Variants in DIP2C observed in about 807,000 individuals in gnomAD.
DIP2C encodes the protein disco-interacting protein 2 homolog C.
A neutral mutation model predicts 192.4 loss-of-function variants in DIP2C; 33 were observed. The observed-to-expected ratio is 0.17, with a 90% confidence interval of 0.13 to 0.23. DIP2C has a LOEUF of 0.23. DIP2C is among the 10% of genes least tolerant of loss of function. The probability of loss-of-function intolerance (pLI) is 1.00; values close to 1 mark genes in which losing one functional copy is unlikely to be tolerated. For synonymous variants in DIP2C, 979 were observed against 864.1 expected (o/e 1.13, Z -2.33); for missense variants, 1,537 against 2,110.1 (o/e 0.73, Z 5.32).
chr10:475,345 A>C (rs1019717304), intron 2 of DIP2C, among the ~76,000 whole-genome samples: 3 of 152,212 alleles, frequency 2.0e-5, no homozygotes, highest in African/African-American at 7.2e-5. Flanking sequence ...CACTGACAGC[A>C]CAGTTGGGAG....
intron 29 of DIP2C, 162 bp downstream of exon 29, chr10:341,037 C>G (rs1005950985): frequency 9.8e-7 from 1 of 1,020,860 alleles, no homozygotes; most frequent in African/African-American, 1.6e-5. Flanking sequence ...TCCCCGAGAG[C>G]CAAGTCCACC....
chr10:308,846 C>T (rs1033340224), intron 32 of DIP2C, among the ~76,000 whole-genome samples: 2 of 152,212 alleles, frequency 1.3e-5, no homozygotes, highest in African/African-American at 2.4e-5. Flanking sequence ...TCAGGGCGGG[C>T]GTGGCTCCTG....
At chr10:383,652 G>C (rs189432724) in intron 16 of DIP2C, among the ~76,000 whole-genome samples, 93 of 152,224 alleles carry the variant, frequency 6.1e-4, no homozygotes, top group Non-Finnish European at 1.2e-3. Flanking sequence ...CTTATTACCT[G>C]CTTAGGGCTT....
At chr10:489,469 TAC>T (rs1844271617) in intron 1 of DIP2C, among the ~76,000 whole-genome samples, 1 of 152,252 alleles carries the variant, frequency 6.6e-6, no homozygotes, top group African/African-American at 2.4e-5. Flanking sequence ...GCTGGCTGAC[TAC>T]ACAGTATCCT....
chr10:490,443 A>G lies in DIP2C; in HGVS notation c.86-3913T>C, dbSNP rs548865278. Among the ~76,000 whole-genome samples the G allele has an allele frequency of 3.9e-5, 6 of 152,254 alleles. No homozygotes were observed. The South Asian group carries it at 8.3e-4, about 21-fold the overall frequency. ...TCCACTGCTCACAGCCTGCTTGTTC[A>G]TATTTCCCCAAACCTGGAAGCGATG... On this transcript the variant is annotated intron_variant, in intron 1 of 36. Coordinates refer to ENST00000280886, the MANE Select transcript of DIP2C (RefSeq NM_014974.3).
intron 32 of DIP2C, among the ~76,000 whole-genome samples, chr10:298,663 G>A (rs756003720): frequency 5.9e-5 from 9 of 152,230 alleles, no homozygotes; most frequent in Admixed American, 2.0e-4. Flanking sequence ...CCGTGGGGCT[G>A]CAGCATTCTC....
chr10:571,244 C>T (rs1311771675), intron 1 of DIP2C, among the ~76,000 whole-genome samples: 2 of 152,208 alleles, frequency 1.3e-5, no homozygotes, highest in Non-Finnish European at 2.9e-5. Context: ...AGTGGCTGTG[C>T]GGACGACCTC....
intron 21 of DIP2C, among the ~76,000 whole-genome samples, chr10:362,900 C>G (rs917622605): frequency 6.6e-6 from 1 of 152,118 alleles, no homozygotes; most frequent in South Asian, 2.1e-4. Context: ...GAAGACCATA[C>G]ACAGTAAAAA....
intron 4 of DIP2C, among the ~76,000 whole-genome samples, chr10:439,973 G>A (rs1967596925): frequency 1.3e-5 from 2 of 152,170 alleles, no homozygotes; most frequent in Non-Finnish European, 2.9e-5. Flanking sequence ...GAGAAGACAA[G>A]CTTGCAACTG....
In DIP2C at chr10:636,242, G is replaced by T. The variant is rs921303470; in HGVS notation, c.85+53252C>A. ...GCTCTTCCCGGCTGAACCCAAGGGT[G>T]CTTGGCTTGACTCACTTCCATACCA... On this transcript the variant is annotated intron_variant, in intron 1 of 36. Coordinates refer to ENST00000280886, the MANE Select transcript of DIP2C (RefSeq NM_014974.3). The surrounding 1 kb of genome is among the most constrained non-coding windows in gnomAD (Gnocchi z 4.6). 6.6e-6 allele frequency among the ~76,000 whole-genome samples: 1 copy of T among 152,192 alleles called. No individual in the cohort carries two copies. The highest frequency in any genetic ancestry group is 1.5e-5 in the Non-Finnish European group (1 of 68,042).
chr10:572,538 G>A (rs895447711), intron 1 of DIP2C, among the ~76,000 whole-genome samples: 3 of 152,110 alleles, frequency 2.0e-5, no homozygotes, highest in Non-Finnish European at 2.9e-5. Context: ...AGGTTGTAAT[G>A]AGAAAAATAG....
chr10:392,939 G>A (rs1220742666), intron 10 of DIP2C, among the ~76,000 whole-genome samples: 2 of 152,232 alleles, frequency 1.3e-5, no homozygotes, highest in African/African-American at 4.8e-5. Flanking sequence ...GGACCAGACA[G>A]ATGGACCCTG....
chr10:651,436 G>A lies in DIP2C; in HGVS notation c.85+38058C>T, dbSNP rs748677494. On this transcript the variant is annotated intron_variant, in intron 1 of 36. Coordinates refer to ENST00000280886, the MANE Select transcript of DIP2C (RefSeq NM_014974.3). The surrounding 1 kb of genome is among the most constrained non-coding windows in gnomAD (Gnocchi z 4.1). ...ACTGAATGAACAAGTATGTTAAGTCGTTAAGTAAAAATAGCAGAAGACTTA... is the reference window on the plus strand; with the variant it reads ...ACTGAATGAACAAGTATGTTAAGTCATTAAGTAAAAATAGCAGAAGACTTA... 2.0e-5 allele frequency: 14 copies of A among 684,578 alleles called. No homozygotes were observed. The highest frequency in any genetic ancestry group is 3.5e-5 in the African/African-American group (2 of 56,854). The allele number at this position is 684,578 out of a possible 1,614,324, so 42.4% of individuals were successfully genotyped here. A position where few individuals can be genotyped will look rare whatever the true frequency, so the allele number is the denominator to read the frequency against.
intron 26 of DIP2C, among the ~76,000 whole-genome samples, chr10:347,863 GC>G (rs1958585542): frequency 9.7e-6 from 1 of 103,422 alleles, no homozygotes; most frequent in Non-Finnish European, 2.1e-5. Context: ...CAGACGCGTC[GC>G]GCATAGCTCT....
intron 1 of DIP2C, among the ~76,000 whole-genome samples, chr10:502,721 T>C (rs1388024196): frequency 6.6e-6 from 1 of 152,146 alleles, no homozygotes; most frequent in East Asian, 1.9e-4. Flanking sequence ...AAAACAACAC[T>C]ATTTACAGTA....
intron 1 of DIP2C, among the ~76,000 whole-genome samples, chr10:659,843 T>C (rs960514972): frequency 2.0e-5 from 3 of 152,252 alleles, no homozygotes; most frequent in Admixed American, 1.3e-4. Flanking sequence ...ACTAAAATCA[T>C]GAGATAATTC....
chr10:416,368 G>A (rs969951755), intron 6 of DIP2C, among the ~76,000 whole-genome samples: 4 of 151,976 alleles, frequency 2.6e-5, no homozygotes, highest in Admixed American at 2.6e-4. Context: ...ACATCGGGCC[G>A]CTGAGTCACG....
intron 15 of DIP2C, among the ~76,000 whole-genome samples, 186 bp from the exon 16 acceptor site, chr10:384,332 G>A (rs1181056099): frequency 7.3e-6 from 1 of 136,930 alleles, no homozygotes; most frequent in African/African-American, 2.7e-5. Flanking sequence ...TCCTTCTCCT[G>A]GGTTCAAGAT....
intron 22 of DIP2C, among the ~76,000 whole-genome samples, chr10:359,787 CTT>C (rs1959227339): frequency 2.0e-5 from 3 of 152,184 alleles, no homozygotes; most frequent in Non-Finnish European, 2.9e-5. Flanking sequence ...AATGAAGCAT[CTT>C]TAACAGATTT....
Sources: allele counts gnomAD v4.1 joint callset (sites outside exome capture counted in the v4.1 genomes callset), GRCh38; gene constraint gnomAD v4.1.1; non-coding constraint Gnocchi (gnomAD v3.1); transcripts MANE v1.5; gene names NCBI Gene and HGNC (gene_info 2026-07-23, HGNC 2026-07-21).